The following MOB1B variants were observed in gnomAD, a reference collection of about 807,000 sequenced individuals.
The protein encoded by MOB1B is MOB1 Mps One Binder homolog B.
MOB1B carries 19 observed loss-of-function variants against 24.4 expected under a neutral mutation model. The ratio of observed to expected loss-of-function variants is 0.78; its 90% CI spans 0.54 to 1.14. The LOEUF is 1.14. MOB1B is among the 50% of genes most tolerant of loss of function. The probability of loss-of-function intolerance (pLI) is 0.00; values close to 1 mark genes in which losing one functional copy is unlikely to be tolerated. For missense variants in MOB1B, 243 were observed against 259.6 expected (o/e 0.94, Z 0.44); for synonymous variants, 76 against 82.1 (o/e 0.93, Z 0.40).
intron 5 of MOB1B, among the ~76,000 whole-genome samples, chr4:70,979,644 G>T (rs1560668874): frequency 6.6e-6 from 1 of 152,148 alleles, no homozygotes; most frequent in African/African-American, 2.4e-5. Flanking sequence ...GTCTGCCCTG[G>T]ATCTTTATTA....
At chr4:70,944,890 A>G (rs1044694591) in intron 1 of MOB1B, among the ~76,000 whole-genome samples, 1 of 152,198 alleles carries the variant, frequency 6.6e-6, no homozygotes, top group Non-Finnish European at 1.5e-5. Context: ...CCCATGATCC[A>G]AACACCTACC....
intron 1 of MOB1B, among the ~76,000 whole-genome samples, chr4:70,954,944 C>A (rs886923615): frequency 5.3e-5 from 8 of 151,866 alleles, no homozygotes; most frequent in Admixed American, 4.6e-4. Context: ...CGCCATGACA[C>A]CCAGCTAATT....
At chr4:70,903,928 A>G (rs909380118) in intron 1 of MOB1B, among the ~76,000 whole-genome samples, 4 of 150,140 alleles carry the variant, frequency 2.7e-5, no homozygotes, top group Non-Finnish European at 5.9e-5. Context: ...GCTAGATGAC[A>G]GGACTGGGTG....
intron 1 of MOB1B, among the ~76,000 whole-genome samples, chr4:70,937,269 C>T (rs1200537365): frequency 6.8e-6 from 1 of 147,866 alleles, no homozygotes; most frequent in Non-Finnish European, 1.5e-5. Flanking sequence ...TATGGGACTT[C>T]TTTTTTTTTT....
intron 1 of MOB1B, among the ~76,000 whole-genome samples, chr4:70,929,047 C>T (rs1035748153): frequency 6.6e-6 from 1 of 152,086 alleles, no homozygotes; most frequent in African/African-American, 2.4e-5. Flanking sequence ...ACTATCATTG[C>T]ATCATTAAGA....
At chr4:70,941,972 T>G (rs1271730191) in intron 1 of MOB1B, among the ~76,000 whole-genome samples, 4 of 152,174 alleles carry the variant, frequency 2.6e-5, no homozygotes, top group African/African-American at 9.6e-5. Flanking sequence ...TGTGAAAGGC[T>G]TTAGTAAGTT....
In MOB1B at chr4:70,975,100, C is replaced by T. The variant is rs878916629; in HGVS notation, c.276-53C>T. The T allele has an allele frequency of 6.9e-6, 9 of 1,306,658 alleles. No individual in the cohort carries two copies. In the South Asian group the frequency reaches 1.2e-4, roughly 17 times the overall value. The allele number at this position is 1,306,658 out of a possible 1,614,324, so 80.9% of individuals were successfully genotyped here. A position where few individuals can be genotyped will look rare whatever the true frequency, so the allele number is the denominator to read the frequency against. Reference sequence around the variant, plus strand: ...AATATAGATACATAAAATATATACACTGTGTATAGGTATATACTAATCTTC... The same window carrying T: ...AATATAGATACATAAAATATATACATTGTGTATAGGTATATACTAATCTTC... On this transcript the variant is annotated intron_variant, in intron 3 of 5. Coordinates refer to ENST00000309395, the MANE Select transcript of MOB1B (RefSeq NM_173468.4).
chr4:70,970,864 C>T (rs1292578979), intron 3 of MOB1B, among the ~76,000 whole-genome samples: 1 of 152,186 alleles, frequency 6.6e-6, no homozygotes, highest in Non-Finnish European at 1.5e-5. Flanking sequence ...TGGCAGTTCT[C>T]AGTAAAGAGA....
Position 70,973,435 on chromosome 4 carries a change from A to ACTT in MOB1B, c.276-1716_276-1714dup, listed in dbSNP as rs1312215911. 2.7e-5 allele frequency among the ~76,000 whole-genome samples: 4 copies of ACTT among 146,184 alleles called. No homozygotes were observed. In the East Asian group the frequency reaches 8.0e-4, roughly 29 times the overall value. On this transcript the variant is annotated intron_variant, in intron 3 of 5. Coordinates refer to ENST00000309395, the MANE Select transcript of MOB1B (RefSeq NM_173468.4). ...CGGTGAGCTATGCTCGTGCCACTGTACTTCAGCCAAAGCTACAGAGCAAGA... is the reference window on the plus strand; with the variant it reads ...CGGTGAGCTATGCTCGTGCCACTGTACTTCTTCAGCCAAAGCTACAGAGCAAGA...
At chr4:70,981,707 C>T (rs1739216736) in intron 5 of MOB1B, among the ~76,000 whole-genome samples, 1 of 152,166 alleles carries the variant, frequency 6.6e-6, no homozygotes, top group Non-Finnish European at 1.5e-5. Context: ...TCAGGCATTA[C>T]ATGAAGTAGT....
At chr4:70,925,879 G>GT (rs1395153803) in intron 1 of MOB1B, among the ~76,000 whole-genome samples, 1 of 152,076 alleles carries the variant, frequency 6.6e-6, no homozygotes, top group Non-Finnish European at 1.5e-5. Context: ...TGTTTAATGT[G>GT]TTTTTTTCTC....
In MOB1B at chr4:70,982,087, C is replaced by G; in HGVS notation, c.*30C>G. The G allele has an allele frequency of 1.3e-6, 2 of 1,491,568 alleles. No individual in the cohort carries two copies. The highest frequency in any genetic ancestry group is 1.9e-6 in the Non-Finnish European group (2 of 1,070,602). 92.4% of individuals were successfully genotyped at this position (1,491,568 alleles called of 1,614,324 possible). On this transcript the variant is annotated 3_prime_UTR_variant, in exon 6 of 6. Coordinates refer to ENST00000309395, the MANE Select transcript of MOB1B (RefSeq NM_173468.4). ...ATGCAGAGCTGTGCAAATTGTTCCT[C>G]AAATGAAGCAGTGTGGAGTGTATTG...
chr4:70,921,266 C>A (rs991572476), intron 1 of MOB1B, among the ~76,000 whole-genome samples: 40 of 152,216 alleles, frequency 2.6e-4, no homozygotes, highest in African/African-American at 9.6e-4. Flanking sequence ...ATTATACATT[C>A]TATGCAGTCA....
At chr4:70,944,168 A>G (rs1323489841) in intron 1 of MOB1B, among the ~76,000 whole-genome samples, 1 of 151,940 alleles carries the variant, frequency 6.6e-6, no homozygotes, top group Non-Finnish European at 1.5e-5. Flanking sequence ...CTGAGTAGCT[A>G]GGATTATAGG....
At chr4:70,955,949 C>T (rs1738030215) in intron 1 of MOB1B, among the ~76,000 whole-genome samples, 1 of 151,146 alleles carries the variant, frequency 6.6e-6, no homozygotes, top group Non-Finnish European at 1.5e-5. Flanking sequence ...GTTGCCTAGG[C>T]TAGTCTCAAA....
At chr4:70,981,879 CA>C in intron 5 of MOB1B, 100 bp from the exon 6 acceptor site, 1 of 796,092 alleles carries the variant, frequency 1.3e-6, no homozygotes, top group Non-Finnish European at 2.1e-6. Context: ...TTATGTACTT[CA>C]AAAGCTAATT....
chr4:70,906,334 G>A (rs1735746318), intron 1 of MOB1B, among the ~76,000 whole-genome samples: 1 of 152,116 alleles, frequency 6.6e-6, no homozygotes, highest in African/African-American at 2.4e-5. Context: ...CCAAGATTGT[G>A]CCACTGCACT....
intron 4 of MOB1B, among the ~76,000 whole-genome samples, chr4:70,978,518 G>GCCA (rs1287796174): frequency 3.3e-5 from 5 of 152,054 alleles, no homozygotes; most frequent in African/African-American, 1.2e-4. Context: ...TTCCATAGTG[G>GCCA]CCATACCAAT....
At chr4:70,913,124 G>A (rs985132011) in intron 1 of MOB1B, among the ~76,000 whole-genome samples, 3 of 152,134 alleles carry the variant, frequency 2.0e-5, no homozygotes, top group African/African-American at 7.2e-5. Flanking sequence ...CATTTTTGAG[G>A]ATTACAGGCC....
Sources: allele counts gnomAD v4.1 joint callset (sites outside exome capture counted in the v4.1 genomes callset), GRCh38; gene constraint gnomAD v4.1.1; transcripts MANE v1.5; gene names NCBI Gene and HGNC (gene_info 2026-07-23, HGNC 2026-07-21).